PLXNB1: variants seen among roughly 807,000 people sequenced by gnomAD.
PLXNB1 encodes plexin-B1.
Under a neutral mutation model 209.4 loss-of-function variants are expected in PLXNB1, and 106 were observed. The ratio of observed to expected loss-of-function variants is 0.51; its 90% CI spans 0.43 to 0.59. The LOEUF (loss-of-function observed/expected upper bound fraction) is 0.59, where lower values mean the gene tolerates loss of function less well. PLXNB1 is among the 20% of genes least tolerant of loss of function. The probability of loss-of-function intolerance (pLI) is 0.00; values close to 1 mark genes in which losing one functional copy is unlikely to be tolerated. For synonymous variants in PLXNB1, 1,167 were observed against 1,183.2 expected, an observed-to-expected ratio of 0.99 and a Z score of 0.28; for missense variants, 2,357 against 2,853.2, an observed-to-expected ratio of 0.83 and a Z score of 3.96.
intron 21 of PLXNB1, 64 bp downstream of exon 21, chr3:48,414,735 C>T: frequency 1.9e-6 from 3 of 1,575,484 alleles, no homozygotes; most frequent in South Asian, 1.2e-5. Flanking sequence ...CCGCCACACA[C>T]AGCAGTGCTG....
At chr3:48,422,038 G>C in intron 6 of PLXNB1, 67 bp downstream of exon 6, 1 of 1,449,054 alleles carries the variant, frequency 6.9e-7, no homozygotes, top group Non-Finnish European at 9.7e-7. Context: ...AGGAATTCTG[G>C]ACAGGACAAT....
rs534085925 is a variant in PLXNB1, at chr3:48,420,072, T to C, written c.2214A>G (p.Pro738=). The C allele has an allele frequency of 1.9e-6, 3 of 1,613,384 alleles. No homozygotes were observed. The highest frequency in any genetic ancestry group is 2.2e-5 in the South Asian group (2 of 91,040). Residue 738 remains proline (P), a synonymous_variant, in exon 11 of 38, where the codon CCA becomes CCG. Coordinates refer to ENST00000296440, the MANE Select transcript of PLXNB1 (RefSeq NM_001130082.3). ...ASPSLLSPWG[P]WAGSGSISSP... is the part of the protein sequence containing the mutation. ...AAGATATGGAGCCAGAACCTGCCCA[T>C]GGCCCCCAGGGGCTGAGCAGGGAAG...
rs1434161543 is a variant in PLXNB1, at chr3:48,404,555, C to G, written c.6339G>C (p.Gln2113His). The G allele has an allele frequency of 5.0e-6, 8 of 1,613,716 alleles. No homozygotes were observed. The highest frequency in any genetic ancestry group is 6.8e-6 in the Non-Finnish European group (8 of 1,179,786). The change falls in exon 38 of 38, where the codon CAG becomes CAC. Residue 2113 changes from glutamine to histidine, a missense_variant. Gln to His is a conservative substitution (Grantham distance 24). Coordinates refer to ENST00000296440, the MANE Select transcript of PLXNB1 (RefSeq NM_001130082.3). ...ITALEEDGTA[Q>H]KMQLGYRLQQ... ...GGAGCCGATAGCCCAGCTGCATCTTCTGGGCCGTGCCATCCTCCTCCAGGG... is the reference window on the plus strand; with the variant it reads ...GGAGCCGATAGCCCAGCTGCATCTTGTGGGCCGTGCCATCCTCCTCCAGGG...
At position 48,410,328 on chromosome 3, in the gene PLXNB1, A is replaced by T. The variant is rs780881976; in HGVS notation, c.5573T>A (p.Leu1858His). The T allele has an allele frequency of 1.1e-5, 18 of 1,613,072 alleles. No individual in the cohort carries two copies. Among genetic ancestry groups the T allele is most frequent in the Non-Finnish European group, 1.4e-5 (17 of 1,179,406 alleles). ...ALVPCLTKHV[L>H]RENQDYVPGE... ...AGGGACATAATCCTGGTTTTCCCGG[A>T]GCACATGCTTGGTGAGGCAGGGGAC... The change falls in exon 31 of 38, where the codon CTC becomes CAC. Residue 1858 changes from leucine (L) to histidine (H), a missense_variant. Physicochemically the swap from Leu to His is moderately conservative, Grantham distance 99. Around this residue, in one of 7 missense-constraint regions of PLXNB1, gnomAD observed 414 missense variants for 520.5 expected, o/e 0.80. Coordinates refer to ENST00000296440, the MANE Select transcript of PLXNB1 (RefSeq NM_001130082.3). The surrounding 1 kb of genome is among the most constrained non-coding windows in gnomAD (Gnocchi z 6.4).
chr3:48,418,604 G>A lies in PLXNB1; in HGVS notation c.2956-62C>T. 7.5e-7 allele frequency: 1 copy of A among 1,334,472 alleles called. No individual in the cohort carries two copies. Among genetic ancestry groups the A allele is most frequent in the South Asian group, 1.2e-5 (1 of 80,258 alleles). The allele number at this position is 1,334,472 out of a possible 1,614,324, so 82.7% of individuals were successfully genotyped here. A position where few individuals can be genotyped will look rare whatever the true frequency, so the allele number is the denominator to read the frequency against. ...GGGGAAGTGTCAGGCCTGGGGAGGG[G>A]TTAGTCAGAGAAAGGACTAAAACGA... is the stretch of plus-strand genomic sequence containing the variant. On this transcript the variant is annotated intron_variant, in intron 13 of 37. Coordinates refer to ENST00000296440, the MANE Select transcript of PLXNB1 (RefSeq NM_001130082.3). The surrounding 1 kb of genome is among the most constrained non-coding windows in gnomAD (Gnocchi z 6.6).
At position 48,421,087 on chromosome 3, in the gene PLXNB1, A is replaced by G. The variant is rs1451235782; in HGVS notation, c.1811-131T>C. 9 of 1,266,728 alleles carry G rather than the reference A, an allele frequency of 7.1e-6. No individual in the cohort carries two copies. The Admixed American group carries it at 1.1e-4, about 16-fold the overall frequency. 78.5% of individuals were successfully genotyped at this position (1,266,728 alleles called of 1,614,324 possible). On this transcript the variant is annotated intron_variant, in intron 8 of 37. Transcript: ENST00000296440. The stretch of plus-strand genomic sequence containing the variant: ...AATACAGTCCAAGGGCACAGAATGG[A>G]GGCTTCAGGTGGTTGGGGAGTGGGA...
Position 48,406,581 on chromosome 3 carries a change from G to A in PLXNB1, c.6228+242C>T. On this transcript the variant is annotated intron_variant, in intron 36 of 37. Transcript: ENST00000296440. This position sits in a 1 kb window ranked among gnomAD's most constrained non-coding sequence, Gnocchi z 4.4. ...AATCCCAGCTACCTTGCAAGAGCCT[G>A]GCTGAATCAGGGTACATGGCAGCTG... 7.5e-7 allele frequency: 1 copy of A among 1,341,408 alleles called. No homozygotes were observed. The highest frequency in any genetic ancestry group is 9.5e-7 in the Non-Finnish European group (1 of 1,048,048). The allele number at this position is 1,341,408 out of a possible 1,614,324, so 83.1% of individuals were successfully genotyped here.
In PLXNB1 at chr3:48,422,208, G is replaced by A; in HGVS notation, c.1420-3C>T. ...GAAGCCACAGGAACCTTCAGAAGCT[G>A]AGACAGCAAAGAGGACCTGAGGCCA... On this transcript the variant is annotated splice_region_variant and splice_polypyrimidine_tract_variant and intron_variant, in intron 5 of 37. Transcript: ENST00000296440. 1 of 1,613,802 alleles carries A rather than the reference G, an allele frequency of 6.2e-7. No individual in the cohort carries two copies. The highest frequency in any genetic ancestry group is 1.3e-5 in the African/African-American group (1 of 75,034).
rs1304042033 is a variant in PLXNB1, at chr3:48,419,549, G to A, written c.2709+28C>T. 1 of 1,583,990 alleles carries A rather than the reference G, an allele frequency of 6.3e-7. No homozygotes were observed. Among genetic ancestry groups the A allele is most frequent in the Non-Finnish European group, 8.6e-7 (1 of 1,159,120 alleles). Reference sequence around the variant, plus strand: ...GCATCTTCCCCACATCCCCTCCCCTGAGGCCTCCTTCCTGGGCTGGGCCTC... The same window carrying A: ...GCATCTTCCCCACATCCCCTCCCCTAAGGCCTCCTTCCTGGGCTGGGCCTC... On this transcript the variant is annotated intron_variant, in intron 11 of 37. Coordinates refer to ENST00000296440, the MANE Select transcript of PLXNB1 (RefSeq NM_001130082.3). This position sits in a 1 kb window ranked among gnomAD's most constrained non-coding sequence, Gnocchi z 5.7.
chr3:48,406,965 C>T lies in PLXNB1; in HGVS notation c.6152+62G>A, dbSNP rs1226580449. The T allele has an allele frequency of 3.1e-6, 5 of 1,607,066 alleles. No homozygotes were observed. The highest frequency in any genetic ancestry group is 3.4e-6 in the Non-Finnish European group (4 of 1,173,892). On this transcript the variant is annotated intron_variant, in intron 35 of 37. Transcript: ENST00000296440. The surrounding 1 kb of genome is among the most constrained non-coding windows in gnomAD (Gnocchi z 4.4). ...CCCACTCCCCTGCTCCCAACCAGAG[C>T]CCACCCCCCAAGCCTCAGCTGCACA...
rs770828143 is a variant in PLXNB1, at chr3:48,416,393, C to T, written c.3433G>A (p.Val1145Met). The change falls in exon 17 of 38, where the codon GTG becomes ATG. Residue 1145 changes from valine to methionine, a missense_variant. Physicochemically the swap from Val to Met is conservative, Grantham distance 21 (BLOSUM62 1). Around this residue, in one of 7 missense-constraint regions of PLXNB1, gnomAD observed 743 missense variants for 896.2 expected, o/e 0.83. Coordinates refer to ENST00000296440, the MANE Select transcript of PLXNB1 (RefSeq NM_001130082.3). The surrounding 1 kb of genome is among the most constrained non-coding windows in gnomAD (Gnocchi z 4.1). ...GAGACACCACGTCCTCTTCCCGGCACCTCCACCGCTGTGGCGCCGGCCACC... is the reference window on the plus strand; with the variant it reads ...GAGACACCACGTCCTCTTCCCGGCATCTCCACCGCTGTGGCGCCGGCCACC... Reference protein sequence around the residue: ...EEVAGATAVEVPGRGRGVSEH... With the variant: ...EEVAGATAVEMPGRGRGVSEH... 1 of 1,613,236 alleles carries T rather than the reference C, an allele frequency of 6.2e-7. No individual in the cohort carries two copies. Among genetic ancestry groups the T allele is most frequent in the South Asian group, 1.1e-5 (1 of 91,070 alleles).
Position 48,423,819 on chromosome 3 carries a change from G to A in PLXNB1, c.793C>T (p.Pro265Ser). Reference protein sequence around the residue: ...DQHYYSYVELPLACEGGRYGL... With the variant: ...DQHYYSYVELSLACEGGRYGL... ...TAGCGGCCACCTTCGCAGGCCAGAG[G>A]CAACTCCACATAGGAGTAGTAGTGC... The change falls in exon 3 of 38, where the codon CCT (proline) becomes TCT (serine). Residue 265 changes from proline (P) to serine (S), a missense_variant. Physicochemically the swap from Pro to Ser is moderately conservative, Grantham distance 74. Coordinates refer to ENST00000296440, the MANE Select transcript of PLXNB1 (RefSeq NM_001130082.3). 1 of 1,613,988 alleles carries A rather than the reference G, an allele frequency of 6.2e-7. No individual in the cohort carries two copies. Among genetic ancestry groups the A allele is most frequent in the Non-Finnish European group, 8.5e-7 (1 of 1,180,008 alleles).
Position 48,419,820 on chromosome 3 carries a change from A to G in PLXNB1, c.2466T>C (p.Thr822=), listed in dbSNP as rs1242130107. ...CCCCTGGGAAAGTGGTGGCAGGAAC[A>G]GTGGCAGGGGGCAGGTCCAGGGGCA... The part of the protein sequence containing the change: ...PTVPLDLPPA[T]VPATTFPGAM... The change falls in exon 11 of 38, where the codon ACT becomes ACC. Residue 822 remains threonine (T), a synonymous_variant. Coordinates refer to ENST00000296440, the MANE Select transcript of PLXNB1 (RefSeq NM_001130082.3). The surrounding 1 kb of genome is among the most constrained non-coding windows in gnomAD (Gnocchi z 5.7). 2.5e-6 allele frequency: 4 copies of G among 1,586,662 alleles called. No individual in the cohort carries two copies. The highest frequency in any genetic ancestry group is 3.6e-5 in the Admixed American group (2 of 56,060).
rs2037240148 is a variant in PLXNB1, at chr3:48,405,196, TCACTGGTGCCACAC to T, written c.6303+514_6303+527del. On this transcript the variant is annotated intron_variant, in intron 37 of 37. Transcript: ENST00000296440. This position sits in a 1 kb window ranked among gnomAD's most constrained non-coding sequence, Gnocchi z 5.0. ...TCATCTCTGAGCAGCAATAGCCATG[TCACTGGTGCCACAC>T]AAACATCTAAGTGGACTATTCCACC... 6.6e-6 allele frequency among the ~76,000 whole-genome samples: 1 copy of T among 152,212 alleles called. No individual in the cohort carries two copies. Among genetic ancestry groups the T allele is most frequent in the South Asian group, 2.1e-4 (1 of 4,836 alleles).
Position 48,419,707 on chromosome 3 carries a change from G to A in PLXNB1, c.2579C>T (p.Ala860Val), listed in dbSNP as rs573222628. ...GAGGGTGGAAGTGGAGAAGGCGGGT[G>A]CGTCACCCCCCGTCCACTCGTCCGC... Reference protein sequence around the residue: ...PEADEWTGGDAPAFSTSTLLS... With the variant: ...PEADEWTGGDVPAFSTSTLLS... Residue 860 changes from alanine to valine, a missense_variant, in exon 11 of 38, where the codon GCA becomes GTA. Physicochemically the swap from Ala to Val is moderately conservative, Grantham distance 64 (BLOSUM62 0). Around this residue, in one of 7 missense-constraint regions of PLXNB1, gnomAD observed 410 missense variants for 401.0 expected, o/e 1.02. Transcript: ENST00000296440. The surrounding 1 kb of genome is among the most constrained non-coding windows in gnomAD (Gnocchi z 5.7). 9 of 1,612,220 alleles carry A rather than the reference G, an allele frequency of 5.6e-6. No homozygotes were observed. Among genetic ancestry groups the A allele is most frequent in the African/African-American group, 4.0e-5 (3 of 75,046 alleles).
In PLXNB1 at chr3:48,420,952, G is replaced by A. The variant is rs138006677; in HGVS notation, c.1815C>T (p.Tyr605=). 151 of 1,611,980 alleles carry A rather than the reference G, an allele frequency of 9.4e-5. No homozygotes were observed. In the Middle Eastern group the frequency reaches 3.6e-3, roughly 39 times the overall value. ...ATCTGAGCTCCACGCTCACGGATACGTAGTCTGCAGAGGGGGAGAGAGGGC... is the reference window on the plus strand; with the variant it reads ...ATCTGAGCTCCACGCTCACGGATACATAGTCTGCAGAGGGGGAGAGAGGGC... ...EAPVLPRGAD[Y]VSVSVELRFG... is the part of the protein sequence containing the mutation. Residue 605 remains tyrosine (Y), a synonymous_variant, in exon 9 of 38, where the codon TAC becomes TAT. Coordinates refer to ENST00000296440, the MANE Select transcript of PLXNB1 (RefSeq NM_001130082.3).
In PLXNB1 at chr3:48,411,495, G is replaced by C. The variant is rs1022903226; in HGVS notation, c.5247+368C>G. The stretch of plus-strand genomic sequence containing the variant: ...CAAACCCAGAGAGAAGTGCCTGCCA[G>C]AGTGAGGCTGGCTTGGTGGGCAAGG... On this transcript the variant is annotated intron_variant, in intron 28 of 37. Coordinates refer to ENST00000296440, the MANE Select transcript of PLXNB1 (RefSeq NM_001130082.3). The surrounding 1 kb of genome is among the most constrained non-coding windows in gnomAD (Gnocchi z 4.0). Among the ~76,000 whole-genome samples, 1 of 152,186 alleles carries C rather than the reference G, an allele frequency of 6.6e-6. No individual in the cohort carries two copies. The highest frequency in any genetic ancestry group is 2.4e-5 in the African/African-American group (1 of 41,448).
At position 48,405,880 on chromosome 3, in the gene PLXNB1, G is replaced by A; in HGVS notation, c.6229-82C>T. The A allele has an allele frequency of 3.6e-6, 4 of 1,119,268 alleles. No homozygotes were observed. The highest frequency in any genetic ancestry group is 5.4e-6 in the Non-Finnish European group (4 of 745,406). 69.3% of individuals were successfully genotyped at this position (1,119,268 alleles called of 1,614,324 possible). ...AGGCAGCCCAGGACCCCAGGGAAGG[G>A]CTGGGGGAGAAGGGGACCTGAGAGG... On this transcript the variant is annotated intron_variant, in intron 36 of 37. Transcript: ENST00000296440. This position sits in a 1 kb window ranked among gnomAD's most constrained non-coding sequence, Gnocchi z 5.0.
At position 48,406,966 on chromosome 3, in the gene PLXNB1, C is replaced by G; in HGVS notation, c.6152+61G>C. The G allele has an allele frequency of 3.1e-6, 5 of 1,608,674 alleles. No homozygotes were observed. The highest frequency in any genetic ancestry group is 4.3e-6 in the Non-Finnish European group (5 of 1,175,142). ...CCACTCCCCTGCTCCCAACCAGAGC[C>G]CACCCCCCAAGCCTCAGCTGCACAC... On this transcript the variant is annotated intron_variant, in intron 35 of 37. Transcript: ENST00000296440. The surrounding 1 kb of genome is among the most constrained non-coding windows in gnomAD (Gnocchi z 4.4).
Sources: gnomAD v4.1 joint callset for allele counts (sites outside exome capture counted in the v4.1 genomes callset) on GRCh38, gnomAD v4.1.1 for gene constraint, gnomAD v4.1.1 regional missense constraint, Gnocchi (gnomAD v3.1) non-coding constraint, MANE v1.5 for transcripts, NCBI Gene and HGNC (gene_info 2026-07-23, HGNC 2026-07-21) for gene names.